The following DPP10 variants were observed in gnomAD, a reference collection of about 807,000 sequenced individuals.
DPP10 encodes the protein dipeptidyl peptidase like 10.
In DPP10, 33 loss-of-function variants were observed where a neutral mutation model predicts 120.9. That is an observed-to-expected ratio of 0.27 (90% CI 0.21 to 0.37). The LOEUF (loss-of-function observed/expected upper bound fraction) is 0.37, where lower values mean the gene tolerates loss of function less well. Among genes scored for constraint, DPP10 ranks in the 10% least tolerant of loss-of-function variants. The pLI is 1.00. For synonymous variants in DPP10, 337 were observed against 326.1 expected (o/e 1.03, Z -0.36); for missense variants, 816 against 942.8 (o/e 0.87, Z 1.76).
At chr2:115,303,421 G>T (rs544489555) in intron 1 of DPP10, among the ~76,000 whole-genome samples, 440 of 151,534 alleles carry the variant, frequency 2.9e-3, no homozygotes, top group Non-Finnish European at 5.4e-3. Context: ...ACATTTTGTG[G>T]ACATTTCCAA....
At chr2:115,397,287 C>G (rs949068666) in intron 3 of DPP10, among the ~76,000 whole-genome samples, 26 of 152,128 alleles carry the variant, frequency 1.7e-4, no homozygotes, top group Non-Finnish European at 3.2e-4. Context: ...TTAATAAACT[C>G]ACTGTGAACA....
At position 114,831,022 on chromosome 2, in the gene DPP10, A is replaced by ATTTT. The variant is rs70941010; in HGVS notation, c.60+388217_60+388220dup. ...GGAATATTTAAACATCCATGCAAAG[A>ATTTT]TTTTTTTTTTTTTTTTTTTTTTTTT... On this transcript the variant is annotated intron_variant, in intron 1 of 25. Transcript: ENST00000410059. 4.8e-4 allele frequency among the ~76,000 whole-genome samples: 22 copies of ATTTT among 45,924 alleles called. 1 individual carries two copies. The highest frequency in any genetic ancestry group is 1.7e-3 in the African/African-American group (20 of 11,582). 30.1% of individuals were successfully genotyped at this position (45,924 alleles called of 152,430 possible). A position where few individuals can be genotyped will look rare whatever the true frequency, so the allele number is the denominator to read the frequency against.
chr2:115,335,763 T>G (rs34374132), intron 2 of DPP10, among the ~76,000 whole-genome samples: 5,680 of 152,044 alleles, frequency 0.037, 138 homozygotes, highest in South Asian at 0.08. Flanking sequence ...ATATTTAAAA[T>G]GGAAATGCAT....
intron 1 of DPP10, among the ~76,000 whole-genome samples, chr2:115,245,075 A>G (rs977400331): frequency 5.9e-5 from 9 of 151,962 alleles, no homozygotes; most frequent in African/African-American, 2.2e-4. Flanking sequence ...GCTCCCACTA[A>G]TAACTGAGGA....
At chr2:115,151,415 T>A (rs1388832937) in intron 1 of DPP10, among the ~76,000 whole-genome samples, 2 of 59,338 alleles carry the variant, frequency 3.4e-5, no homozygotes, top group Admixed American at 1.8e-4. Flanking sequence ...TTTCTTATAC[T>A]TTTTTTTTTT....
intron 1 of DPP10, among the ~76,000 whole-genome samples, chr2:114,711,302 G>C (rs1357200236): frequency 1.3e-5 from 2 of 152,154 alleles, no homozygotes; most frequent in Admixed American, 6.6e-5. Context: ...CAGCTCAGCA[G>C]ACTAACAAGG....
chr2:115,241,286 A>AAATG, intron 1 of DPP10, among the ~76,000 whole-genome samples: 1 of 152,096 alleles, frequency 6.6e-6, no homozygotes, highest in African/African-American at 2.4e-5. Flanking sequence ...ATAAATAAAT[A>AAATG]AATAAGTAGT....
At chr2:115,517,505 C>T (rs1308521030) in intron 4 of DPP10, among the ~76,000 whole-genome samples, 1 of 152,072 alleles carries the variant, frequency 6.6e-6, no homozygotes, top group African/African-American at 2.4e-5. Context: ...TATCACTCAG[C>T]ATTTTGTTAC....
At chr2:115,045,007 T>G (rs1435060648) in intron 1 of DPP10, among the ~76,000 whole-genome samples, 1 of 152,204 alleles carries the variant, frequency 6.6e-6, no homozygotes, top group African/African-American at 2.4e-5. Flanking sequence ...ATTTTCTTTA[T>G]CCATTCATCT....
chr2:115,803,572 G>A (rs1030490018), intron 19 of DPP10, among the ~76,000 whole-genome samples: 5 of 152,144 alleles, frequency 3.3e-5, no homozygotes, highest in African/African-American at 1.2e-4. Context: ...GCTGGTACCG[G>A]TTGTTCCTTT....
rs369937567 is a variant in DPP10 at position 115,840,750 on chromosome 2, C to A, written c.2183C>A (p.Thr728Lys). 10 of 1,613,076 alleles carry A rather than the reference C, an allele frequency of 6.2e-6. No individual in the cohort carries two copies. Among genetic ancestry groups the A allele is most frequent in the Non-Finnish European group, 7.6e-6 (9 of 1,179,612 alleles). ...GATATCATAATTTGATTTCTTGCAG[C>A]AAAAGTTCATTTCCAACACTCAGCA... The part of the protein sequence containing the change: ...NILIIHGTAD[T>K]KVHFQHSAEL... Residue 728 changes from threonine (T) to lysine (K), a missense_variant and splice_region_variant, in exon 25 of 26, where the codon ACA (threonine) becomes AAA (lysine). By Grantham distance (78) the Thr-to-Lys change is moderately conservative. Coordinates refer to ENST00000410059, the MANE Select transcript of DPP10 (RefSeq NM_020868.6).
chr2:115,218,827 A>G (rs757354846), intron 1 of DPP10, among the ~76,000 whole-genome samples: 2 of 152,128 alleles, frequency 1.3e-5, no homozygotes, highest in Admixed American at 6.6e-5. Context: ...TGAACAGAAA[A>G]TATTACTGAA....
chr2:114,784,266 G>C (rs1028775324), intron 1 of DPP10, among the ~76,000 whole-genome samples: 1 of 152,038 alleles, frequency 6.6e-6, no homozygotes, highest in Non-Finnish European at 1.5e-5. Context: ...AAAGTTCAGA[G>C]TTCAAACAAG....
At chr2:115,040,661 C>A (rs1704567472) in intron 1 of DPP10, among the ~76,000 whole-genome samples, 1 of 151,942 alleles carries the variant, frequency 6.6e-6, no homozygotes, top group Non-Finnish European at 1.5e-5. Flanking sequence ...GTGACTGGAT[C>A]TTGGGGGTGG....
chr2:115,092,790 G>C (rs1709387308), intron 1 of DPP10, among the ~76,000 whole-genome samples: 1 of 152,026 alleles, frequency 6.6e-6, no homozygotes, highest in African/African-American at 2.4e-5. Context: ...TAAGAGAAAA[G>C]CAAATACAAT....
chr2:114,705,613 T>C (rs1298311317), intron 1 of DPP10, among the ~76,000 whole-genome samples: 1 of 152,022 alleles, frequency 6.6e-6, no homozygotes, highest in East Asian at 1.9e-4. Context: ...TTCTGTCAAA[T>C]TGGTTGGAAA....
intron 5 of DPP10, among the ~76,000 whole-genome samples, chr2:115,582,137 T>G (rs923591713): frequency 2.6e-5 from 4 of 152,136 alleles, no homozygotes; most frequent in African/African-American, 9.7e-5. Context: ...ACTTGGGTCT[T>G]TAATATATTG....
chr2:115,147,187 ATATAG>A (rs1160302372), intron 1 of DPP10, among the ~76,000 whole-genome samples: 1 of 151,410 alleles, frequency 6.6e-6, no homozygotes, highest in African/African-American at 2.4e-5. Context: ...GTGTGTATAT[ATATAG>A]TATTGTATAT....
chr2:114,663,475 G>A (rs1488522825), intron 1 of DPP10, among the ~76,000 whole-genome samples: 2 of 150,190 alleles, frequency 1.3e-5, no homozygotes, highest in Non-Finnish European at 3.0e-5. Flanking sequence ...ATTTTCCAGT[G>A]ATTTATTCTA....
Sources: allele counts gnomAD v4.1 joint callset (sites outside exome capture counted in the v4.1 genomes callset), GRCh38; gene constraint gnomAD v4.1.1; transcripts MANE v1.5; gene names NCBI Gene and HGNC (gene_info 2026-07-23, HGNC 2026-07-21).